Variants in NRG3 observed in about 807,000 individuals in gnomAD.
NRG3 encodes the protein pro-neuregulin-3, membrane-bound isoform.
In NRG3, 31 loss-of-function variants were observed where a neutral mutation model predicts 66.9. The ratio of observed to expected loss-of-function variants is 0.46; its 90% confidence interval spans 0.35 to 0.63. NRG3 has a LOEUF of 0.63. Ranked by LOEUF, NRG3 falls within the 20% of genes least tolerant of loss-of-function variation. The pLI, the probability that NRG3 is intolerant of heterozygous loss-of-function variation, is 0.00. For synonymous variants in NRG3, 393 were observed against 359.4 expected, an observed-to-expected ratio of 1.09 and a Z score of -1.06; for missense variants, 910 against 878.9, an observed-to-expected ratio of 1.04 and a Z score of -0.45.
At chr10:82,202,968 T>A (rs1481399451) in intron 1 of NRG3, among the ~76,000 whole-genome samples, 1 of 152,210 alleles carries the variant, frequency 6.6e-6, no homozygotes, top group African/African-American at 2.4e-5. Context: ...ATGTGTGATA[T>A]ACACATAGGA....
At chr10:82,768,846 G>A (rs2059612141) in intron 3 of NRG3, among the ~76,000 whole-genome samples, 1 of 152,030 alleles carries the variant, frequency 6.6e-6, no homozygotes, top group South Asian at 2.1e-4. Context: ...GCTTTTTTGT[G>A]TGTGTACCTA....
intron 1 of NRG3, among the ~76,000 whole-genome samples, chr10:82,259,744 A>G (rs937268477): frequency 1.1e-4 from 17 of 152,160 alleles, no homozygotes; most frequent in African/African-American, 4.1e-4. Context: ...CCTGAGCTAC[A>G]TAGTGAGACC....
chr10:82,104,412 G>A (rs1454851561), intron 1 of NRG3, among the ~76,000 whole-genome samples: 1 of 152,030 alleles, frequency 6.6e-6, no homozygotes, highest in East Asian at 1.9e-4. Context: ...AAAGAGAGTG[G>A]GATACAAAAT....
In NRG3 at chr10:81,875,263, G is replaced by GCGC; in HGVS notation, c.-76_-74dup. On this transcript the variant is annotated 5_prime_UTR_variant, in exon 1 of 9. Transcript: ENST00000372141. This position sits in a 1 kb window ranked among gnomAD's most constrained non-coding sequence, Gnocchi z 5.3. The stretch of plus-strand genomic sequence containing the variant: ...GCCGCCGCCGCCGGAGCCCGCGCCC[G>GCGC]CGCCCGCGCCCGGCCCGCGCGGCCC... The GCGC allele has an allele frequency of 1.1e-6, 1 of 937,428 alleles. No individual in the cohort carries two copies. The highest frequency in any genetic ancestry group is 4.8e-5 in the South Asian group (1 of 20,704). The allele number at this position is 937,428 out of a possible 1,614,324, so 58.1% of individuals were successfully genotyped here. A position where few individuals can be genotyped will look rare whatever the true frequency, so the allele number is the denominator to read the frequency against.
At chr10:81,959,994 A>G (rs985590439) in intron 1 of NRG3, among the ~76,000 whole-genome samples, 1 of 152,008 alleles carries the variant, frequency 6.6e-6, no homozygotes, top group Non-Finnish European at 1.5e-5. Flanking sequence ...ATTAATATGC[A>G]TGCCTGAATT....
At chr10:82,558,426 T>A (rs755080235) in intron 2 of NRG3, among the ~76,000 whole-genome samples, 1 of 152,168 alleles carries the variant, frequency 6.6e-6, no homozygotes, top group African/African-American at 2.4e-5. Context: ...TCCTGCAGAT[T>A]AATCTAGATG....
intron 2 of NRG3, among the ~76,000 whole-genome samples, chr10:82,599,030 A>T (rs1387795030): frequency 6.6e-6 from 1 of 152,150 alleles, no homozygotes; most frequent in Non-Finnish European, 1.5e-5. Flanking sequence ...AGCCTGGGCA[A>T]CAAAGGGAGA....
intron 3 of NRG3, among the ~76,000 whole-genome samples, chr10:82,785,245 C>T (rs2060303422): frequency 6.6e-6 from 1 of 151,812 alleles, no homozygotes; most frequent in Non-Finnish European, 1.5e-5. Context: ...AGGAGATATA[C>T]CTAATGCTAA....
rs78642477 is a variant in NRG3 at position 81,998,524 on chromosome 10, A to G, written c.823+122361A>G. On this transcript the variant is annotated intron_variant, in intron 1 of 8. Coordinates refer to ENST00000372141, the MANE Select transcript of NRG3 (RefSeq NM_001010848.4). The stretch of plus-strand genomic sequence containing the variant: ...TTTGGAGTCAGACAAACTGGGCCGC[A>G]GAGTCGATGTTGATATTACTGAACA... 5.8e-3 allele frequency among the ~76,000 whole-genome samples: 886 copies of G among 152,252 alleles called. 3 individuals are homozygous for G. The highest frequency in any genetic ancestry group is 0.02 in the African/African-American group (826 of 41,554).
chr10:81,882,485 C>T (rs889962165), intron 1 of NRG3, among the ~76,000 whole-genome samples: 1 of 151,938 alleles, frequency 6.6e-6, no homozygotes, highest in African/African-American at 2.4e-5. Flanking sequence ...AACCTCTAGC[C>T]GTGAATTCTA....
At chr10:82,758,133 A>G (rs979251989) in intron 3 of NRG3, among the ~76,000 whole-genome samples, 1 of 152,072 alleles carries the variant, frequency 6.6e-6, no homozygotes, top group Non-Finnish European at 1.5e-5. Context: ...GCTGAAGGTT[A>G]CAAGCCTGAT....
chr10:82,306,631 G>C (rs1322823498), intron 1 of NRG3, among the ~76,000 whole-genome samples: 1 of 134,452 alleles, frequency 7.4e-6, no homozygotes, highest in Non-Finnish European at 1.5e-5. Context: ...GTGAACCCAA[G>C]AGGCAGAGCT....
chr10:82,343,061 A>G (rs2082767567), intron 1 of NRG3, among the ~76,000 whole-genome samples: 2 of 152,114 alleles, frequency 1.3e-5, no homozygotes, highest in African/African-American at 4.8e-5. Flanking sequence ...TGACTTAGTC[A>G]AAGGTCAGTT....
At position 82,715,905 on chromosome 10, in the gene NRG3, T is replaced by C. The variant is rs145179596; in HGVS notation, c.954-22672T>C. On this transcript the variant is annotated intron_variant, in intron 2 of 8. Coordinates refer to ENST00000372141, the MANE Select transcript of NRG3 (RefSeq NM_001010848.4). ...ACCAACTTCTCCTTGTATCCTCACA[T>C]GGCAAAAAGACAGGGGGCTAGCTCT... Among the ~76,000 whole-genome samples, 347 of 152,212 alleles carry C rather than the reference T, an allele frequency of 2.3e-3. 2 individuals are homozygous for C. The highest frequency in any genetic ancestry group is 7.9e-3 in the African/African-American group (328 of 41,538).
chr10:82,260,247 G>A (rs1270000631), intron 1 of NRG3, among the ~76,000 whole-genome samples: 4 of 152,310 alleles, frequency 2.6e-5, no homozygotes, highest in African/African-American at 9.6e-5. Flanking sequence ...TGTACTTGGT[G>A]CCCTGGCTTT....
intron 1 of NRG3, among the ~76,000 whole-genome samples, chr10:82,020,703 A>G (rs2062019815): frequency 1.3e-5 from 2 of 152,110 alleles, no homozygotes; most frequent in South Asian, 4.1e-4. Context: ...ATCTTAATGT[A>G]CTGTGCAGTG....
At chr10:82,873,010 T>G (rs1841482992) in intron 4 of NRG3, among the ~76,000 whole-genome samples, 1 of 152,066 alleles carries the variant, frequency 6.6e-6, no homozygotes, top group Admixed American at 6.6e-5. Context: ...GGTTTTTGAG[T>G]AGATTTATTA....
At chr10:82,873,477 AG>A (rs1841525719) in intron 4 of NRG3, among the ~76,000 whole-genome samples, 1 of 152,182 alleles carries the variant, frequency 6.6e-6, no homozygotes, top group Non-Finnish European at 1.5e-5. Flanking sequence ...GAGTGATGTG[AG>A]AAACAACCAA....
intron 2 of NRG3, among the ~76,000 whole-genome samples, chr10:82,528,323 G>C (rs1013462000): frequency 1.3e-5 from 2 of 152,142 alleles, no homozygotes; most frequent in African/African-American, 4.8e-5. Context: ...GGTGAAAATT[G>C]AGTGGAAGTT....
Sources: gnomAD v4.1 joint callset for allele counts (sites outside exome capture counted in the v4.1 genomes callset) on GRCh38, gnomAD v4.1.1 for gene constraint, Gnocchi (gnomAD v3.1) non-coding constraint, MANE v1.5 for transcripts, NCBI Gene and HGNC (gene_info 2026-07-23, HGNC 2026-07-21) for gene names.